The following CREBBP variants were observed in gnomAD, a reference collection of about 807,000 sequenced individuals.
The protein encoded by CREBBP is CREB-binding protein.
A neutral mutation model predicts 265.0 loss-of-function variants in CREBBP; 19 were observed. The ratio of observed to expected loss-of-function variants is 0.07; its 90% CI spans 0.05 to 0.11. The LOEUF (loss-of-function observed/expected upper bound fraction) is 0.11. CREBBP is among the 10% of genes least tolerant of loss of function. CREBBP has a pLI of 1.00. For missense variants in CREBBP, 2,525 were observed against 3,219.0 expected, an observed-to-expected ratio of 0.78 and a Z score of 5.22; for synonymous variants, 1,457 against 1,223.7, an observed-to-expected ratio of 1.19 and a Z score of -3.98.
chr16:3,777,846 T>G, intron 10 of CREBBP, 165 bp downstream of exon 10: 1 of 1,070,518 alleles, frequency 9.3e-7, no homozygotes, highest in African/African-American at 1.6e-5. Flanking sequence ...AAACTCAGTG[T>G]CCCAACACAG....
At chr16:3,853,267 A>G (rs1031485080) in intron 1 of CREBBP, among the ~76,000 whole-genome samples, 11 of 152,204 alleles carry the variant, frequency 7.2e-5, no homozygotes, top group African/African-American at 2.7e-4. Context: ...ACTGTCTATT[A>G]TTATTACTGC....
At chr16:3,803,917 C>CA (rs1048694133) in intron 3 of CREBBP, among the ~76,000 whole-genome samples, 21 of 151,288 alleles carry the variant, frequency 1.4e-4, no homozygotes, top group South Asian at 4.2e-4. Flanking sequence ...CTGTCTCTAC[C>CA]AAAAAAAATA....
rs2051726117 is a variant in CREBBP, at chr16:3,725,779, C to G, written c.*1939G>C. 1 of 233,148 alleles carries G rather than the reference C, an allele frequency of 4.3e-6. No homozygotes were observed. Among genetic ancestry groups the G allele is most frequent in the African/African-American group, 2.2e-5 (1 of 45,342 alleles). The allele number at this position is 233,148 out of a possible 1,614,324, so 14.4% of individuals were successfully genotyped here. A position where few individuals can be genotyped will look rare whatever the true frequency, so the allele number is the denominator to read the frequency against. ...AAGTATTCAGCTATTTAAAACCTAT[C>G]TGTGAATGTAAGGGCCCAAACGGAA... On this transcript the variant is annotated 3_prime_UTR_variant, in exon 31 of 31. Coordinates refer to ENST00000262367, the MANE Select transcript of CREBBP (RefSeq NM_004380.3).
At chr16:3,859,360 T>G (rs971913795) in intron 1 of CREBBP, among the ~76,000 whole-genome samples, 2 of 151,536 alleles carry the variant, frequency 1.3e-5, no homozygotes, top group Non-Finnish European at 3.0e-5. Context: ...ACCCGGCTAA[T>G]TTTTTGTATT....
At chr16:3,739,372 A>G in intron 25 of CREBBP, 1 of 636,372 alleles carries the variant, frequency 1.6e-6, no homozygotes, top group East Asian at 2.9e-5. Context: ...TCGCCACACA[A>G]AACACGCTCA....
chr16:3,799,947 A>G (rs193024425), intron 3 of CREBBP, among the ~76,000 whole-genome samples: 128 of 152,346 alleles, frequency 8.4e-4, no homozygotes, highest in Admixed American at 4.7e-3. Flanking sequence ...TTTGGGGGGA[A>G]ATTCCCGAGA....
At chr16:3,833,794 A>G (rs1471228012) in intron 2 of CREBBP, among the ~76,000 whole-genome samples, 1 of 152,216 alleles carries the variant, frequency 6.6e-6, no homozygotes, top group Non-Finnish European at 1.5e-5. Context: ...AATTGACTTC[A>G]TTAAAATTAA....
At chr16:3,733,040 G>T (rs914518451) in intron 28 of CREBBP, among the ~76,000 whole-genome samples, 7 of 152,028 alleles carry the variant, frequency 4.6e-5, no homozygotes, top group Admixed American at 2.0e-4. Flanking sequence ...GACTCTTGGT[G>T]TTCAAAGAGA....
chr16:3,727,897 G>C lies in CREBBP; in HGVS notation c.7150C>G (p.His2384Asp). 1 of 1,612,970 alleles carries C rather than the reference G, an allele frequency of 6.2e-7. No individual in the cohort carries two copies. The highest frequency in any genetic ancestry group is 8.5e-7 in the Non-Finnish European group (1 of 1,179,334). Reference sequence around the variant, plus strand: ...GCCATGGTGACTGCGAGTCCGGGGTGGGGGGAACCAGTCTGGGGTGAGACG... The same window carrying C: ...GCCATGGTGACTGCGAGTCCGGGGTCGGGGGAACCAGTCTGGGGTGAGACG... Reference protein sequence around the residue: ...HHVSPQTGSPHPGLAVTMASS... With the variant: ...HHVSPQTGSPDPGLAVTMASS... Residue 2384 changes from histidine to aspartate, a missense_variant, in exon 31 of 31, where the codon CAC becomes GAC. Physicochemically the swap from His to Asp is moderately conservative, Grantham distance 81 (BLOSUM62 -1). This residue lies in a region of CREBBP where 473 missense variants were observed against 459.3 expected (regional missense o/e 1.03). Coordinates refer to ENST00000262367, the MANE Select transcript of CREBBP (RefSeq NM_004380.3).
intron 2 of CREBBP, among the ~76,000 whole-genome samples, chr16:3,839,577 G>A (rs1363599609): frequency 6.6e-6 from 1 of 151,908 alleles, no homozygotes; most frequent in African/African-American, 2.4e-5. Flanking sequence ...AGCTACTCAG[G>A]AGGCTGAGGC....
At chr16:3,877,051 A>T (rs1055542395) in intron 1 of CREBBP, among the ~76,000 whole-genome samples, 4 of 152,158 alleles carry the variant, frequency 2.6e-5, no homozygotes, top group Non-Finnish European at 4.4e-5. Context: ...CATGCACTGC[A>T]GTCCAAGTAG....
rs1263290979 is a variant in CREBBP, at chr16:3,750,921, C to A, written c.3779+805G>T. ...ACTGCCAGTTCTGCAAATGGGGATA[C>A]CTGGTTTCTCAGGTATAACTGAAAA... On this transcript the variant is annotated intron_variant, in intron 20 of 30. Coordinates refer to ENST00000262367, the MANE Select transcript of CREBBP (RefSeq NM_004380.3). Among the ~76,000 whole-genome samples, 4 of 152,290 alleles carry A rather than the reference C, an allele frequency of 2.6e-5. No homozygotes were observed. The East Asian group carries it at 5.8e-4, about 22-fold the overall frequency.
intron 19 of CREBBP, among the ~76,000 whole-genome samples, chr16:3,755,135 T>C (rs2151378656): frequency 6.6e-6 from 1 of 152,328 alleles, no homozygotes; most frequent in South Asian, 2.1e-4. Context: ...AAAAATGAAG[T>C]TCTATACAGA....
At position 3,757,364 on chromosome 16, in the gene CREBBP, G is replaced by C. The variant is rs1029052355; in HGVS notation, c.3622C>G (p.Pro1208Ala). ...TTCCCATAGCAGCACAAAGTCTGTG[G>C]GGAAAACTCATACTGCAAAAATAAA... Reference protein sequence around the residue: ...YCCGRKYEFSPQTLCCYGKQL... With the variant: ...YCCGRKYEFSAQTLCCYGKQL... The change falls in exon 19 of 31, where the codon CCA becomes GCA. Residue 1208 changes from proline to alanine, a missense_variant. Coordinates refer to ENST00000262367, the MANE Select transcript of CREBBP (RefSeq NM_004380.3). 1.9e-6 allele frequency: 3 copies of C among 1,613,396 alleles called. No individual in the cohort carries two copies. The highest frequency in any genetic ancestry group is 2.5e-6 in the Non-Finnish European group (3 of 1,179,634).
At chr16:3,810,146 C>T (rs191982289) in intron 3 of CREBBP, among the ~76,000 whole-genome samples, 2 of 152,238 alleles carry the variant, frequency 1.3e-5, no homozygotes, top group South Asian at 2.1e-4. Flanking sequence ...GATGAAGACA[C>T]GTGGAATCAT....
At chr16:3,823,414 C>A (rs1046327798) in intron 2 of CREBBP, among the ~76,000 whole-genome samples, 54 of 152,262 alleles carry the variant, frequency 3.5e-4, no homozygotes, top group African/African-American at 1.1e-3. Context: ...CTGGTCACAA[C>A]GTGGCCGCGT....
chr16:3,798,549 C>T (rs1023353353), intron 3 of CREBBP, among the ~76,000 whole-genome samples: 21 of 152,140 alleles, frequency 1.4e-4, no homozygotes, highest in Admixed American at 1.1e-3. Context: ...AGAAGATACA[C>T]GAATGGCCAA....
chr16:3,826,347 G>C (rs1327408198), intron 2 of CREBBP, among the ~76,000 whole-genome samples: 3 of 152,144 alleles, frequency 2.0e-5, no homozygotes, highest in African/African-American at 7.2e-5. Context: ...AAATTATGTA[G>C]ACACTTTGCC....
chr16:3,801,334 G>C (rs1288979306), intron 3 of CREBBP, among the ~76,000 whole-genome samples: 2 of 152,206 alleles, frequency 1.3e-5, no homozygotes, highest in Non-Finnish European at 2.9e-5. Context: ...ACTCATGAGA[G>C]AAATGCTCAT....
Sources: allele counts gnomAD v4.1 joint callset (sites outside exome capture counted in the v4.1 genomes callset), GRCh38; gene constraint gnomAD v4.1.1; regional missense constraint gnomAD v4.1.1; transcripts MANE v1.5; gene names NCBI Gene and HGNC (gene_info 2026-07-23, HGNC 2026-07-21).